The following SRSF6 variants were observed in gnomAD, a reference collection of about 807,000 sequenced individuals.
The protein encoded by SRSF6 is serine/arginine-rich splicing factor 6.
A neutral mutation model predicts 42.0 loss-of-function variants in SRSF6; 17 were observed. That is an observed-to-expected ratio of 0.40 (90% CI 0.28 to 0.61). The LOEUF (loss-of-function observed/expected upper bound fraction) is 0.61. SRSF6 is among the 20% of genes least tolerant of loss of function. The pLI is 0.37. For synonymous variants in SRSF6, 204 were observed against 166.7 expected (o/e 1.22, Z -1.72); for missense variants, 379 against 471.4 (o/e 0.80, Z 1.81).
In SRSF6 at chr20:43,462,876, T is replaced by A. The variant is rs866619156; in HGVS notation, c.*1813T>A. 6.6e-6 allele frequency: 1 copy of A among 152,656 alleles called. No individual in the cohort carries two copies. Among genetic ancestry groups the A allele is most frequent in the African/African-American group, 2.4e-5 (1 of 41,464 alleles). The allele number at this position is 152,656 out of a possible 1,614,324, so 9.5% of individuals were successfully genotyped here. On this transcript the variant is annotated 3_prime_UTR_variant, in exon 6 of 6. Transcript: ENST00000244020. ...TTTTTCCAGCATAAACCTCAGAATT[T>A]AAGGAAAGAAAATGATGTCTGTTGT...
In SRSF6 at chr20:43,460,755, T is replaced by G; in HGVS notation, c.727T>G (p.Ser243Ala). 6.2e-7 allele frequency: 1 copy of G among 1,614,038 alleles called. No individual in the cohort carries two copies. The highest frequency in any genetic ancestry group is 8.5e-7 in the Non-Finnish European group (1 of 1,179,954). The change falls in exon 6 of 6, where the codon TCT (serine) becomes GCT (alanine). Residue 243 changes from serine to alanine, a missense_variant. Transcript: ENST00000244020. ...ACGTTCTCGATCAAAAGGCAGGAAA[T>G]CTAGATCAAAGAGCAAATCTAAGCC... The part of the protein sequence containing the change: ...RSRSRSKGRK[S>A]RSKSKSKPKS...
chr20:43,459,196 T>C, intron 2 of SRSF6: 1 of 1,352,190 alleles, frequency 7.4e-7, no homozygotes, highest in Non-Finnish European at 9.8e-7. Flanking sequence ...CTAAGATGAC[T>C]GCCTTTCCTG....
rs761105981 is a variant in SRSF6, at chr20:43,460,219, T to G, written c.568T>G (p.Ser190Ala). The G allele has an allele frequency of 6.2e-7, 1 of 1,614,186 alleles. No individual in the cohort carries two copies. Among genetic ancestry groups the G allele is most frequent in the South Asian group, 1.1e-5 (1 of 91,082 alleles). ...TAAGCCACGCACAAGCCATAGGCGA[T>G]CTTACTCTGGAAGCAGATCCAGGTA... is the stretch of plus-strand genomic sequence containing the variant. ...EDKPRTSHRRSYSGSRSRSRS... is the reference protein window; with the variant it reads ...EDKPRTSHRRAYSGSRSRSRS... Residue 190 changes from serine (S) to alanine (A), a missense_variant, in exon 4 of 6, where the codon TCT (serine) becomes GCT (alanine). Coordinates refer to ENST00000244020, the MANE Select transcript of SRSF6 (RefSeq NM_006275.6).
intron 4 of SRSF6, 106 bp from the exon 5 acceptor site, chr20:43,460,409 C>CACTGTTTAAAAACAGT (rs761885794): frequency 4.6e-5 from 63 of 1,382,334 alleles, no homozygotes; most frequent in Non-Finnish European, 5.9e-5. Context: ...TATTTAATTT[C>CACTGTTTAAAAACAGT]GTAGTAAAGA....
chr20:43,460,774 C>A lies in SRSF6; in HGVS notation c.746C>A (p.Ser249Tyr). 6.2e-7 allele frequency: 1 copy of A among 1,614,150 alleles called. No individual in the cohort carries two copies. Among genetic ancestry groups the A allele is most frequent in the Non-Finnish European group, 8.5e-7 (1 of 1,180,018 alleles). ...AGGAAATCTAGATCAAAGAGCAAATCTAAGCCCAAGTCTGATCGGGGCTCC... is the reference window on the plus strand; with the variant it reads ...AGGAAATCTAGATCAAAGAGCAAATATAAGCCCAAGTCTGATCGGGGCTCC... ...KGRKSRSKSK[S>Y]KPKSDRGSHS... The change falls in exon 6 of 6, where the codon TCT (serine) becomes TAT (tyrosine). Residue 249 changes from serine to tyrosine, a missense_variant. This residue lies in a region of SRSF6 where 219 missense variants were observed against 216.1 expected (regional missense o/e 1.01). Coordinates refer to ENST00000244020, the MANE Select transcript of SRSF6 (RefSeq NM_006275.6).
chr20:43,458,198 C>T (rs564466737), intron 1 of SRSF6, 58 bp downstream of exon 1: 79 of 1,560,898 alleles, frequency 5.1e-5, no homozygotes, highest in Non-Finnish European at 6.1e-5. Context: ...GGCGGGAACT[C>T]TCCAAGGAAA....
At position 43,457,930 on chromosome 20, in the gene SRSF6, G is replaced by C; in HGVS notation, c.-104G>C. 1.0e-6 allele frequency: 1 copy of C among 954,600 alleles called. No individual in the cohort carries two copies. The highest frequency in any genetic ancestry group is 1.6e-6 in the Non-Finnish European group (1 of 619,636). The allele number at this position is 954,600 out of a possible 1,614,324, so 59.1% of individuals were successfully genotyped here. A position where few individuals can be genotyped will look rare whatever the true frequency, so the allele number is the denominator to read the frequency against. ...CTGGACTCGGCCGCCCCTGTGGTGT[G>C]AGGCGCGTGTTCGGGCTCTTGCCGT... On this transcript the variant is annotated 5_prime_UTR_variant, in exon 1 of 6. Transcript: ENST00000244020.
rs757289380 is a variant in SRSF6, at chr20:43,459,801, C to T, written c.287C>T (p.Thr96Ile). Residue 96 changes from threonine (T) to isoleucine (I), a missense_variant, in exon 3 of 6, where the codon ACA (threonine) becomes ATA (isoleucine). Thr to Ile is a moderately conservative substitution (Grantham distance 89). This residue lies in a region of SRSF6 where 117 missense variants were observed against 146.8 expected (regional missense o/e 0.80). Coordinates refer to ENST00000244020, the MANE Select transcript of SRSF6 (RefSeq NM_006275.6). ...SGGGGYSSRR[T>I]SGRDKYGPPV... is the part of the protein sequence containing the mutation. ...GGAGGTGGATACAGCAGTCGGAGAACATCTGGCAGAGACAAATACGGACCA... is the reference window on the plus strand; with the variant it reads ...GGAGGTGGATACAGCAGTCGGAGAATATCTGGCAGAGACAAATACGGACCA... The T allele has an allele frequency of 1.2e-5, 19 of 1,613,666 alleles. No individual in the cohort carries two copies. The highest frequency in any genetic ancestry group is 3.3e-5 in the South Asian group (3 of 91,052).
chr20:43,459,751 GTTCCC>G lies in SRSF6; in HGVS notation c.257-16_257-12del. On this transcript the variant is annotated splice_polypyrimidine_tract_variant and intron_variant, in intron 2 of 5. Coordinates refer to ENST00000244020, the MANE Select transcript of SRSF6 (RefSeq NM_006275.6). ...TTTTATCATTACAAGGCATCTAATT[GTTCCC>G]TTCATGTGATAAAGGTGGTGGAGGT... 1 of 1,612,474 alleles carries G rather than the reference GTTCCC, an allele frequency of 6.2e-7. No homozygotes were observed. Among genetic ancestry groups the G allele is most frequent in the Non-Finnish European group, 8.5e-7 (1 of 1,179,986 alleles).
In SRSF6 at chr20:43,458,093, C is replaced by G. The variant is rs1209523826; in HGVS notation, c.60C>G (p.Arg20=). ...ACGTCCGGGAGAAGGACATCCAGCG[C>G]TTTTTCAGTGGCTATGGCCGCCTCC... ...SYNVREKDIQ[R]FFSGYGRLLE... Residue 20 remains arginine, a synonymous_variant, in exon 1 of 6, where the codon CGC becomes CGG. Coordinates refer to ENST00000244020, the MANE Select transcript of SRSF6 (RefSeq NM_006275.6). 3 of 1,613,546 alleles carry G rather than the reference C, an allele frequency of 1.9e-6. No individual in the cohort carries two copies. The Admixed American group carries it at 5.0e-5, about 27-fold the overall frequency.
rs755950769 is a variant in SRSF6, at chr20:43,460,539, A to G, written c.615A>G (p.Arg205=). 1.9e-6 allele frequency: 3 copies of G among 1,613,998 alleles called. No homozygotes were observed. The highest frequency in any genetic ancestry group is 1.3e-5 in the African/African-American group (1 of 74,918). Residue 205 remains arginine (R), a synonymous_variant, in exon 5 of 6, where the codon CGA becomes CGG. Transcript: ENST00000244020. Reference sequence around the variant, plus strand: ...GGTCTCGATCTAGAAGACGGTCACGAAGTAGGAGTCGCAGGAGCAGCCGCA... The same window carrying G: ...GGTCTCGATCTAGAAGACGGTCACGGAGTAGGAGTCGCAGGAGCAGCCGCA... ...RSRSRSRRRS[R]SRSRRSSRSR...
At chr20:43,460,625 T>C in intron 5 of SRSF6, 27 bp downstream of exon 5, 1 of 1,613,946 alleles carries the variant, frequency 6.2e-7, no homozygotes, top group South Asian at 1.1e-5. Flanking sequence ...TGAGTCACTG[T>C]GAATATTACC....
rs534102340 is a variant in SRSF6 at position 43,458,357 on chromosome 20, C to A, written c.108-4C>A. 128 of 1,548,626 alleles carry A rather than the reference C, an allele frequency of 8.3e-5. No homozygotes were observed. The Admixed American group carries it at 1.9e-3, about 23-fold the overall frequency. ...CGGTTGTCCGGCCCTCGCACCGCCC[C>A]TAGGTACGGCTTCGTGGAGTTCGAG... On this transcript the variant is annotated splice_region_variant and splice_polypyrimidine_tract_variant and intron_variant, in intron 1 of 5. Transcript: ENST00000244020.
Position 43,461,152 on chromosome 20 carries a change from G to A in SRSF6, c.*89G>A. On this transcript the variant is annotated 3_prime_UTR_variant, in exon 6 of 6. Coordinates refer to ENST00000244020, the MANE Select transcript of SRSF6 (RefSeq NM_006275.6). ...TGTTTATACTTGGCCTCTTCTGCAA[G>A]AGGAATCTCTTGAAAACAGGGGCAC... 2.8e-6 allele frequency: 4 copies of A among 1,449,724 alleles called. No homozygotes were observed. In the Admixed American group the frequency reaches 8.0e-5, roughly 29 times the overall value. The allele number at this position is 1,449,724 out of a possible 1,614,324, so 89.8% of individuals were successfully genotyped here. A position where few individuals can be genotyped will look rare whatever the true frequency, so the allele number is the denominator to read the frequency against.
chr20:43,460,413 G>GAAACAGTGTATTTAATTTAA, intron 4 of SRSF6, 102 bp from the exon 5 acceptor site: 1 of 1,407,158 alleles, frequency 7.1e-7, no homozygotes. Context: ...TAATTTCGTA[G>GAAACAGTGTATTTAATTTAA]TAAAGAAAAA....
In SRSF6 at chr20:43,461,374, T is replaced by TTTTTTTTTTTTTTTTTA. The variant is rs2017595842; in HGVS notation, c.*311_*312insTTTTTTTTTTTTTTTTA. On this transcript the variant is annotated 3_prime_UTR_variant, in exon 6 of 6. Coordinates refer to ENST00000244020, the MANE Select transcript of SRSF6 (RefSeq NM_006275.6). ...TTTTTTTTTTTTTTTTTTTTTTTTT[T>TTTTTTTTTTTTTTTTTA]AGTATTTCAGCAGGATCTGCTGGCA... 6.0e-6 allele frequency: 1 copy of TTTTTTTTTTTTTTTTTA among 167,232 alleles called. No homozygotes were observed. The highest frequency in any genetic ancestry group is 3.3e-5 in the African/African-American group (1 of 30,058). 10.4% of individuals were successfully genotyped at this position (167,232 alleles called of 1,614,324 possible). A position where few individuals can be genotyped will look rare whatever the true frequency, so the allele number is the denominator to read the frequency against.
At chr20:43,458,250 G>T in intron 1 of SRSF6, 110 bp downstream of exon 1, 1 of 1,415,074 alleles carries the variant, frequency 7.1e-7, no homozygotes. Context: ...GGGCCTCAAA[G>T]ATGGCGACGG....
In SRSF6 at chr20:43,460,995, A is replaced by G. The variant is rs928156881; in HGVS notation, c.967A>G (p.Thr323Ala). ...RSVSPPPKRA[T>A]SRSRSRSRSK... ...TGTGTCCCCTCCACCAAAAAGAGCT[A>G]CTTCAAGATCCCGTTCTAGATCTCG... Residue 323 changes from threonine to alanine, a missense_variant, in exon 6 of 6, where the codon ACT becomes GCT. Around this residue, in one of 3 missense-constraint regions of SRSF6, gnomAD observed 219 missense variants for 216.1 expected, o/e 1.01. Coordinates refer to ENST00000244020, the MANE Select transcript of SRSF6 (RefSeq NM_006275.6). 6.8e-6 allele frequency: 11 copies of G among 1,613,048 alleles called. No individual in the cohort carries two copies. Among genetic ancestry groups the G allele is most frequent in the South Asian group, 1.1e-5 (1 of 90,944 alleles).
rs2017594374 is a variant in SRSF6 at position 43,461,358 on chromosome 20, T to TTAAG, written c.*296_*297insAAGT. 4.1e-6 allele frequency: 1 copy of TTAAG among 241,366 alleles called. No individual in the cohort carries two copies. Among genetic ancestry groups the TTAAG allele is most frequent in the African/African-American group, 2.5e-5 (1 of 40,378 alleles). The allele number at this position is 241,366 out of a possible 1,614,324, so 15.0% of individuals were successfully genotyped here. A position where few individuals can be genotyped will look rare whatever the true frequency, so the allele number is the denominator to read the frequency against. On this transcript the variant is annotated 3_prime_UTR_variant, in exon 6 of 6. Transcript: ENST00000244020. ...TGTTGTTTTTTTTTTTTTTTTTTTT[T>TTAAG]TTTTTTTTTTTTTTTTAGTATTTCA...
Sources: allele counts gnomAD v4.1 joint callset, GRCh38; gene constraint gnomAD v4.1.1; regional missense constraint gnomAD v4.1.1; transcripts MANE v1.5; gene names NCBI Gene and HGNC (gene_info 2026-07-23, HGNC 2026-07-21).